The following FAM149A variants were observed in gnomAD, a reference collection of about 807,000 sequenced individuals.
The protein encoded by FAM149A is family with sequence similarity 149 member A, also known as protein FAM149A.
A neutral mutation model predicts 78.2 loss-of-function variants in FAM149A; 71 were observed. The observed-to-expected ratio is 0.91, with a 90% CI of 0.75 to 1.11. The LOEUF is 1.11. Among genes scored for constraint, FAM149A ranks in the 50% least tolerant of loss-of-function variants. The pLI is 0.00. For missense variants in FAM149A, 1,036 were observed against 971.0 expected (o/e 1.07, Z -0.89); for synonymous variants, 446 against 410.5 (o/e 1.09, Z -1.04).
intron 1 of FAM149A, chr4:186,132,178 A>C: frequency 2.0e-6 from 2 of 985,482 alleles, no homozygotes; most frequent in Non-Finnish European, 2.4e-6. Flanking sequence ...ACTTTTAATG[A>C]AGGGCAGATT....
chr4:186,154,863 G>A (rs1733910723), intron 6 of FAM149A: 1 of 985,416 alleles, frequency 1.0e-6, no homozygotes, highest in Non-Finnish European at 1.2e-6. Context: ...AAGCAGACAA[G>A]GCTCCTCGCA....
intron 6 of FAM149A, chr4:186,154,896 G>A (rs1447194533): frequency 6.1e-6 from 6 of 985,224 alleles, no homozygotes; most frequent in Non-Finnish European, 6.0e-6. Context: ...GGGGCTCCAG[G>A]TTCCCCAGCC....
intron 1 of FAM149A, among the ~76,000 whole-genome samples, chr4:186,147,661 T>G (rs1733165154): frequency 6.6e-6 from 1 of 152,214 alleles, no homozygotes; most frequent in Non-Finnish European, 1.5e-5. Flanking sequence ...TACCAGTATG[T>G]TTTTCTTAGT....
chr4:186,130,644 C>G (rs1483620093), intron 1 of FAM149A, among the ~76,000 whole-genome samples: 1 of 151,906 alleles, frequency 6.6e-6, no homozygotes, highest in Non-Finnish European at 1.5e-5. Flanking sequence ...CAGGCATGAG[C>G]CACCGTGCCT....
chr4:186,136,965 TCTCTCTCTCTTTCTCTCTCTCTCTCTC>T (rs1215061138), intron 1 of FAM149A, among the ~76,000 whole-genome samples: 1 of 58,018 alleles, frequency 1.7e-5, no homozygotes, highest in African/African-American at 7.8e-5. Flanking sequence ...TCTCTCTCTT[TCTCTCTCTCTTTCTCTCTCTCTCTCTC>T]TCTCTCTCTC....
rs1423621651 is a variant in FAM149A, at chr4:186,166,949, C to T, written c.2011-19C>T. 2 of 1,601,656 alleles carry T rather than the reference C, an allele frequency of 1.2e-6. No individual in the cohort carries two copies. Among genetic ancestry groups the T allele is most frequent in the Non-Finnish European group, 1.7e-6 (2 of 1,172,746 alleles). On this transcript the variant is annotated intron_variant, in intron 11 of 13. Transcript: ENST00000389354. ...GGATTGCATTTATTTTAAACAAGAA[C>T]ATACTATCCTTCATTTAGTACAGAG...
intron 3 of FAM149A, among the ~76,000 whole-genome samples, chr4:186,150,420 T>C (rs1261516062): frequency 1.6e-5 from 2 of 123,156 alleles, no homozygotes; most frequent in African/African-American, 6.3e-5. Context: ...TCTCTTTTTT[T>C]TTTTTTTTTT....
intron 1 of FAM149A, among the ~76,000 whole-genome samples, chr4:186,142,302 C>G (rs2099326153): frequency 6.6e-6 from 1 of 152,126 alleles, no homozygotes; most frequent in African/African-American, 2.4e-5. Flanking sequence ...TGCCTTGTCT[C>G]TCTAGTTCGC....
intron 1 of FAM149A, chr4:186,125,413 C>A: frequency 1.2e-6 from 1 of 838,090 alleles, no homozygotes; most frequent in Non-Finnish European, 1.4e-6. Context: ...CCTAGGCAGC[C>A]CCACAAACAC....
At chr4:186,171,669 G>A (rs1483573640) in intron 13 of FAM149A, among the ~76,000 whole-genome samples, 1 of 152,158 alleles carries the variant, frequency 6.6e-6, no homozygotes, top group Non-Finnish European at 1.5e-5. Flanking sequence ...GAAGCTTCTC[G>A]TGAATCCACC....
intron 1 of FAM149A, chr4:186,110,015 CA>C (rs2099310546): frequency 1.0e-6 from 1 of 984,982 alleles, no homozygotes; most frequent in Non-Finnish European, 1.2e-6. Context: ...ACAAATCATA[CA>C]TTTGTGTAGC....
chr4:186,117,372 A>T (rs1226077241), intron 1 of FAM149A: 7 of 939,900 alleles, frequency 7.4e-6, no homozygotes, highest in Non-Finnish European at 7.6e-6. Context: ...CTGGAAATGG[A>T]TCTTATGAAA....
At position 186,149,202 on chromosome 4, in the gene FAM149A, A is replaced by G. The variant is rs1182666695; in HGVS notation, c.596A>G (p.His199Arg). Residue 199 changes from histidine (H) to arginine (R), a missense_variant, in exon 2 of 14, where the codon CAC becomes CGC. Transcript: ENST00000389354. ...GGACTGTCAGAAGGACGTAGAAGGC[A>G]CGGTTTTACTGTGAGGAGCAAAGAT... The G allele has an allele frequency of 7.8e-7, 1 of 1,288,854 alleles. No homozygotes were observed. Among genetic ancestry groups the G allele is most frequent in the Non-Finnish European group, 1.0e-6 (1 of 988,532 alleles). 79.8% of individuals were successfully genotyped at this position (1,288,854 alleles called of 1,614,324 possible). A position where few individuals can be genotyped will look rare whatever the true frequency, so the allele number is the denominator to read the frequency against.
chr4:186,114,223 C>CT (rs753043378), intron 1 of FAM149A, among the ~76,000 whole-genome samples: 3,779 of 28,462 alleles, frequency 0.13, 190 homozygotes, highest in Middle Eastern at 0.26. Flanking sequence ...CAACCCCTGC[C>CT]TTTTTTTGTT....
chr4:186,121,600 T>C (rs746745530), intron 1 of FAM149A, among the ~76,000 whole-genome samples: 1 of 152,238 alleles, frequency 6.6e-6, no homozygotes, highest in Non-Finnish European at 1.5e-5. Flanking sequence ...CATGGGATCC[T>C]ATGGAAGATG....
intron 1 of FAM149A, chr4:186,125,399 C>T (rs1314535865): frequency 2.2e-5 from 19 of 882,498 alleles, no homozygotes; most frequent in Non-Finnish European, 2.2e-5. Context: ...CTGAGGGAAG[C>T]AGCCCTAGGC....
At chr4:186,148,178 T>C (rs997932392) in intron 1 of FAM149A, among the ~76,000 whole-genome samples, 83 of 152,176 alleles carry the variant, frequency 5.5e-4, no homozygotes, top group African/African-American at 2.0e-3. Context: ...AATACAAAAA[T>C]TAGCTGGGCG....
intron 13 of FAM149A, 155 bp downstream of exon 13, chr4:186,167,417 G>C: frequency 1.4e-6 from 1 of 728,514 alleles, no homozygotes. Flanking sequence ...CAGAAACCTC[G>C]ATCACAGAGC....
chr4:186,148,817 A>G (rs1219189899), intron 1 of FAM149A, among the ~76,000 whole-genome samples: 8 of 152,204 alleles, frequency 5.3e-5, no homozygotes, highest in Admixed American at 5.2e-4. Flanking sequence ...TCAAGGGACA[A>G]CTGGGACCTG....
Sources: allele counts gnomAD v4.1 joint callset (sites outside exome capture counted in the v4.1 genomes callset), GRCh38; gene constraint gnomAD v4.1.1; transcripts MANE v1.5; gene names NCBI Gene and HGNC (gene_info 2026-07-23, HGNC 2026-07-21).